The following DIAPH3 variants were observed in gnomAD, a reference collection of about 807,000 sequenced individuals.
DIAPH3 encodes protein diaphanous homolog 3.
Under a neutral mutation model 144.3 loss-of-function variants are expected in DIAPH3, and 117 were observed. The ratio of observed to expected loss-of-function variants is 0.81; its 90% CI spans 0.70 to 0.95. DIAPH3 has a LOEUF of 0.95. DIAPH3 is among the 40% of genes least tolerant of loss of function. The pLI is 0.00. For synonymous variants in DIAPH3, 519 were observed against 488.9 expected (o/e 1.06, Z -0.81); for missense variants, 1,421 against 1,412.7 (o/e 1.01, Z -0.09).
intron 1 of DIAPH3, among the ~76,000 whole-genome samples, chr13:60,152,714 GATAC>G (rs1429098792): frequency 6.6e-5 from 10 of 151,858 alleles, no homozygotes; most frequent in Admixed American, 6.6e-4. Flanking sequence ...TCTTTTGTAT[GATAC>G]ATACATGATA....
At chr13:59,930,026 G>A (rs148053760) in intron 17 of DIAPH3, among the ~76,000 whole-genome samples, 1 of 152,286 alleles carries the variant, frequency 6.6e-6, no homozygotes, top group East Asian at 1.9e-4. Flanking sequence ...AACATGGCAT[G>A]TGTTTATAAT....
At chr13:60,090,924 T>C (rs913596643) in intron 4 of DIAPH3, among the ~76,000 whole-genome samples, 3 of 152,198 alleles carry the variant, frequency 2.0e-5, no homozygotes, top group Non-Finnish European at 4.4e-5. Context: ...AATTTCAACC[T>C]TAGTCCAAAA....
At chr13:60,094,181 A>G (rs2058039097) in intron 3 of DIAPH3, among the ~76,000 whole-genome samples, 1 of 152,218 alleles carries the variant, frequency 6.6e-6, no homozygotes, top group Admixed American at 6.5e-5. Flanking sequence ...TCTGATAGCC[A>G]CATCAAATAT....
rs570115201 is a variant in DIAPH3 at position 60,028,833 on chromosome 13, G to A, written c.627-12688C>T. On this transcript the variant is annotated intron_variant, in intron 5 of 27. Coordinates refer to ENST00000400324, the MANE Select transcript of DIAPH3 (RefSeq NM_001042517.2). ...TCCAGCACTTTGGGAGGCCGAGGTG[G>A]GCGGATCACAAGGTCAGGAGATCGA... 7.2e-5 allele frequency among the ~76,000 whole-genome samples: 11 copies of A among 152,156 alleles called. No individual in the cohort carries two copies. The East Asian group carries it at 1.9e-3, about 27-fold the overall frequency.
At chr13:59,684,425 A>C (rs2138651654) in intron 27 of DIAPH3, among the ~76,000 whole-genome samples, 1 of 152,316 alleles carries the variant, frequency 6.6e-6, no homozygotes, top group East Asian at 1.9e-4. Context: ...TTTATATATA[A>C]AAGGAAAAAT....
chr13:59,888,501 A>G (rs1593843381), intron 20 of DIAPH3, among the ~76,000 whole-genome samples: 1 of 152,002 alleles, frequency 6.6e-6, no homozygotes, highest in Non-Finnish European at 1.5e-5. Flanking sequence ...TTAGTATTCT[A>G]TTTCGTCTAC....
At chr13:59,746,207 A>G (rs1593735417) in intron 27 of DIAPH3, among the ~76,000 whole-genome samples, 1 of 152,124 alleles carries the variant, frequency 6.6e-6, no homozygotes, top group African/African-American at 2.4e-5. Flanking sequence ...AGAAAAATAT[A>G]AGCCAGCTGG....
intron 23 of DIAPH3, 93 bp downstream of exon 23, chr13:59,839,231 T>C: frequency 1.3e-6 from 2 of 1,512,412 alleles, no homozygotes; most frequent in Non-Finnish European, 1.8e-6. Flanking sequence ...CACTACAGAA[T>C]GATCTCTGGT....
At chr13:60,028,566 C>T (rs928537825) in intron 5 of DIAPH3, among the ~76,000 whole-genome samples, 2 of 152,108 alleles carry the variant, frequency 1.3e-5, no homozygotes, top group African/African-American at 4.8e-5. Context: ...ACCCGGAGTC[C>T]TTCAGAACTT....
intron 1 of DIAPH3, among the ~76,000 whole-genome samples, chr13:60,153,770 GTTACAC>G (rs1482892815): frequency 6.6e-6 from 1 of 152,002 alleles, no homozygotes; most frequent in African/African-American, 2.4e-5. Context: ...GGCATAAAGA[GTTACAC>G]TTAGTTTTAT....
chr13:59,726,982 C>G (rs1436419060), intron 27 of DIAPH3, among the ~76,000 whole-genome samples: 1 of 152,034 alleles, frequency 6.6e-6, no homozygotes, highest in Non-Finnish European at 1.5e-5. Flanking sequence ...TATCTTTTCT[C>G]TTTATAGATA....
chr13:59,800,369 C>A (rs535983461), intron 25 of DIAPH3, among the ~76,000 whole-genome samples: 2 of 152,080 alleles, frequency 1.3e-5, no homozygotes, highest in East Asian at 3.9e-4. Context: ...CAGTATCAAG[C>A]ATAAAATGGG....
intron 27 of DIAPH3, among the ~76,000 whole-genome samples, chr13:59,733,349 T>C (rs1033778025): frequency 1.1e-4 from 16 of 152,164 alleles, no homozygotes; most frequent in Non-Finnish European, 1.9e-4. Flanking sequence ...GAACTTAATT[T>C]CCGTAAAATC....
intron 4 of DIAPH3, among the ~76,000 whole-genome samples, chr13:60,089,725 T>C (rs1020536431): frequency 1.5e-4 from 23 of 152,238 alleles, no homozygotes; most frequent in African/African-American, 5.3e-4. Flanking sequence ...ATAAACTTGC[T>C]GTTAAACATC....
intron 25 of DIAPH3, among the ~76,000 whole-genome samples, chr13:59,777,332 A>G (rs78980382): frequency 6.6e-6 from 1 of 152,208 alleles, no homozygotes; most frequent in South Asian, 2.1e-4. Flanking sequence ...GGAAAAAAGA[A>G]TCATGCATCC....
chr13:59,847,945 T>G (rs1346377716), intron 22 of DIAPH3, among the ~76,000 whole-genome samples: 2 of 152,188 alleles, frequency 1.3e-5, no homozygotes, highest in South Asian at 4.1e-4. Context: ...AGAATTTATC[T>G]TCCTCCTTGA....
chr13:59,812,464 G>A (rs2040536824), intron 24 of DIAPH3, among the ~76,000 whole-genome samples: 1 of 152,132 alleles, frequency 6.6e-6, no homozygotes, highest in Non-Finnish European at 1.5e-5. Flanking sequence ...ACTAAAACAA[G>A]TTTACATTCT....
chr13:59,876,545 A>C (rs117597850), intron 21 of DIAPH3, among the ~76,000 whole-genome samples: 1 of 152,206 alleles, frequency 6.6e-6, no homozygotes, highest in Admixed American at 6.5e-5. Flanking sequence ...TATTTTCAAC[A>C]ACAAAATAAA....
intron 2 of DIAPH3, among the ~76,000 whole-genome samples, chr13:60,123,168 C>A (rs1384179528): frequency 6.6e-6 from 1 of 152,138 alleles, no homozygotes; most frequent in African/African-American, 2.4e-5. Context: ...TCCAACCTGT[C>A]CTTCAAAACT....
Sources: gnomAD v4.1 joint callset for allele counts (sites outside exome capture counted in the v4.1 genomes callset) on GRCh38, gnomAD v4.1.1 for gene constraint, MANE v1.5 for transcripts, NCBI Gene and HGNC (gene_info 2026-07-23, HGNC 2026-07-21) for gene names.